Variants in SHC4 observed in about 807,000 individuals in gnomAD.
The protein encoded by SHC4 is SHC adaptor protein 4.
A neutral mutation model predicts 69.4 loss-of-function variants in SHC4; 41 were observed. The observed-to-expected ratio is 0.59, with a 90% CI of 0.46 to 0.77. The LOEUF is 0.77. Ranked by LOEUF, SHC4 falls within the 30% of genes least tolerant of loss-of-function variation. SHC4 has a pLI of 0.00. For synonymous variants in SHC4, 318 were observed against 299.3 expected (o/e 1.06, Z -0.64); for missense variants, 777 against 783.8 (o/e 0.99, Z 0.10).
chr15:48,919,615 G>A, intron 2 of SHC4, among the ~76,000 whole-genome samples: 1 of 151,842 alleles, frequency 6.6e-6, no homozygotes, highest in Non-Finnish European at 1.5e-5. Context: ...CAAACTCCCT[G>A]CCCAAATGTT....
intron 6 of SHC4, among the ~76,000 whole-genome samples, chr15:48,862,858 C>T (rs755284466): frequency 7.2e-5 from 11 of 152,084 alleles, no homozygotes; most frequent in Non-Finnish European, 1.6e-4. Flanking sequence ...CCCCTGACTA[C>T]TCCTTAGGCA....
At chr15:48,886,907 T>C (rs1346209722) in intron 3 of SHC4, among the ~76,000 whole-genome samples, 1 of 152,146 alleles carries the variant, frequency 6.6e-6, no homozygotes, top group Non-Finnish European at 1.5e-5. Context: ...CAAATTTTAC[T>C]AAAGAGTGGA....
intron 4 of SHC4, chr15:48,878,066 C>T: frequency 7.1e-7 from 1 of 1,410,170 alleles, no homozygotes; most frequent in Non-Finnish European, 9.5e-7. Context: ...AGGACCACGC[C>T]TGCGCGCGGG....
chr15:48,891,397 GC>G (rs1324023891), intron 2 of SHC4, among the ~76,000 whole-genome samples: 2 of 152,166 alleles, frequency 1.3e-5, no homozygotes, highest in African/African-American at 4.8e-5. Flanking sequence ...TTCCTCCTTT[GC>G]TTACTTTTCT....
intron 2 of SHC4, among the ~76,000 whole-genome samples, chr15:48,912,301 C>A (rs1291173411): frequency 1.3e-5 from 2 of 152,052 alleles, no homozygotes; most frequent in Non-Finnish European, 2.9e-5. Context: ...TTTTCAGTGT[C>A]TTGGTTGGAT....
intron 9 of SHC4, among the ~76,000 whole-genome samples, chr15:48,848,686 T>A (rs945050413): frequency 1.3e-5 from 2 of 152,198 alleles, no homozygotes; most frequent in African/African-American, 4.8e-5. Flanking sequence ...GATTATGTTG[T>A]TTGTTGGTTT....
At chr15:48,867,126 C>G (rs1899577369) in intron 6 of SHC4, among the ~76,000 whole-genome samples, 1 of 152,178 alleles carries the variant, frequency 6.6e-6, no homozygotes, top group African/African-American at 2.4e-5. Context: ...ATTAAACATA[C>G]AAACAAGTGC....
chr15:48,860,274 G>C (rs1899416086), intron 6 of SHC4, among the ~76,000 whole-genome samples: 1 of 152,198 alleles, frequency 6.6e-6, no homozygotes, highest in Admixed American at 6.5e-5. Flanking sequence ...AGTACTTTGG[G>C]AGGCTGAGGC....
At chr15:48,943,314 A>G (rs1901209685) in intron 1 of SHC4, among the ~76,000 whole-genome samples, 1 of 151,852 alleles carries the variant, frequency 6.6e-6, no homozygotes, top group Non-Finnish European at 1.5e-5. Context: ...TATATATTCC[A>G]CCTTTACAAG....
chr15:48,866,237 G>C (rs1293197338), intron 6 of SHC4, among the ~76,000 whole-genome samples: 1 of 152,162 alleles, frequency 6.6e-6, no homozygotes, highest in Non-Finnish European at 1.5e-5. Flanking sequence ...GTTGTGCCCT[G>C]TTCCTACATT....
chr15:48,961,507 T>C (rs1901546308), intron 1 of SHC4, among the ~76,000 whole-genome samples: 1 of 152,206 alleles, frequency 6.6e-6, no homozygotes, highest in African/African-American at 2.4e-5. Flanking sequence ...ACTTTGCTCC[T>C]ATTCTTGGCC....
chr15:48,878,225 C>G lies in SHC4; in HGVS notation c.840+6023G>C, dbSNP rs771216755. The G allele has an allele frequency of 1.5e-5, 24 of 1,604,656 alleles. No homozygotes were observed. In the East Asian group the frequency reaches 5.1e-4, roughly 34 times the overall value. On this transcript the variant is annotated intron_variant, in intron 4 of 11. Transcript: ENST00000332408. ...CGAGCTGTATGAAGAGAGCAGTGAC[C>G]TGCAGATGGATGTGATGCCTGGCGA...
intron 2 of SHC4, among the ~76,000 whole-genome samples, chr15:48,903,787 A>G (rs1426937355): frequency 1.3e-5 from 2 of 152,140 alleles, no homozygotes; most frequent in African/African-American, 2.4e-5. Flanking sequence ...AGGGCTCACT[A>G]TGTTGCCCAG....
In SHC4 at chr15:48,963,351, G is replaced by C; in HGVS notation, c.-336C>G. ...TCTTAGGCGCAGAACCCGGGCGAGC[G>C]CCGGTCGGGGGGCCCGCTGCATCAC... On this transcript the variant is annotated 5_prime_UTR_variant, in exon 1 of 12. Transcript: ENST00000332408. 1 of 280,906 alleles carries C rather than the reference G, an allele frequency of 3.6e-6. No individual in the cohort carries two copies. Among genetic ancestry groups the C allele is most frequent in the Non-Finnish European group, 6.7e-6 (1 of 149,666 alleles). The allele number at this position is 280,906 out of a possible 1,614,324, so 17.4% of individuals were successfully genotyped here.
At chr15:48,858,469 T>C (rs1350860233) in intron 6 of SHC4, among the ~76,000 whole-genome samples, 1 of 152,190 alleles carries the variant, frequency 6.6e-6, no homozygotes, top group East Asian at 1.9e-4. Context: ...TGAGAGTTTA[T>C]ATTAGATACT....
intron 3 of SHC4, among the ~76,000 whole-genome samples, chr15:48,890,195 A>C (rs1427826287): frequency 6.6e-6 from 1 of 152,230 alleles, no homozygotes; most frequent in African/African-American, 2.4e-5. Context: ...TGGCTGAGGC[A>C]GGACTTTAAT....
chr15:48,859,877 T>C (rs1228525692), intron 6 of SHC4, among the ~76,000 whole-genome samples: 2 of 152,152 alleles, frequency 1.3e-5, no homozygotes, highest in Non-Finnish European at 2.9e-5. Flanking sequence ...AGAAGCTGTG[T>C]TACATTATAA....
At chr15:48,902,313 T>G (rs1257460963) in intron 2 of SHC4, among the ~76,000 whole-genome samples, 2 of 152,112 alleles carry the variant, frequency 1.3e-5, no homozygotes, top group Non-Finnish European at 2.9e-5. Context: ...TGTTATATAG[T>G]AGGTCAAATT....
chr15:48,859,312 T>G (rs1002646248), intron 6 of SHC4, among the ~76,000 whole-genome samples: 1 of 146,460 alleles, frequency 6.8e-6, no homozygotes, highest in African/African-American at 2.5e-5. Flanking sequence ...AAGGGGTGTG[T>G]GTGTGTGTGT....
Sources: allele counts gnomAD v4.1 joint callset (sites outside exome capture counted in the v4.1 genomes callset), GRCh38; gene constraint gnomAD v4.1.1; transcripts MANE v1.5; gene names NCBI Gene and HGNC (gene_info 2026-07-23, HGNC 2026-07-21).